Variants in ANKRD28 observed in about 807,000 individuals in gnomAD.
ANKRD28 encodes ankyrin repeat domain 28.
A neutral mutation model predicts 126.5 loss-of-function variants in ANKRD28; 44 were observed. The ratio of observed to expected loss-of-function variants is 0.35; its 90% CI spans 0.27 to 0.45. ANKRD28 has a LOEUF of 0.45. Ranked by LOEUF, ANKRD28 falls within the 20% of genes least tolerant of loss-of-function variation. The pLI, the probability that ANKRD28 is intolerant of heterozygous loss-of-function variation, is 1.00. For missense variants in ANKRD28, 1,110 were observed against 1,316.6 expected, an observed-to-expected ratio of 0.84 and a Z score of 2.43; for synonymous variants, 442 against 468.5, an observed-to-expected ratio of 0.94 and a Z score of 0.73.
intron 2 of ANKRD28, among the ~76,000 whole-genome samples, chr3:15,782,909 C>A (rs887602196): frequency 2.0e-5 from 3 of 152,068 alleles, no homozygotes; most frequent in African/African-American, 7.2e-5. Context: ...AAACTGTTAG[C>A]TGGCATAAAG....
chr3:15,771,586 G>A (rs2059011869), intron 2 of ANKRD28, among the ~76,000 whole-genome samples: 1 of 151,984 alleles, frequency 6.6e-6, no homozygotes, highest in East Asian at 1.9e-4. Context: ...CATGAAGTAG[G>A]AGAGCTAGAA....
chr3:15,794,546 C>G (rs2060191768), intron 2 of ANKRD28, among the ~76,000 whole-genome samples: 1 of 151,342 alleles, frequency 6.6e-6, no homozygotes, highest in South Asian at 2.1e-4. Flanking sequence ...AATGTACTTT[C>G]AGCCACAACT....
At chr3:15,777,849 TACACACACACACACACAC>T (rs569761948) in intron 2 of ANKRD28, among the ~76,000 whole-genome samples, 222 of 106,184 alleles carry the variant, frequency 2.1e-3, no homozygotes, top group African/African-American at 4.8e-3. Context: ...AAAACCAAAC[TACACACACACACACACAC>T]ACACACACAC....
chr3:15,706,991 T>C (rs980550468), intron 14 of ANKRD28, among the ~76,000 whole-genome samples: 3 of 152,344 alleles, frequency 2.0e-5, no homozygotes, highest in Non-Finnish European at 4.4e-5. Flanking sequence ...AAGTTACTTA[T>C]AAAAATGGTT....
At chr3:15,727,587 A>G (rs13079440) in intron 6 of ANKRD28, among the ~76,000 whole-genome samples, 41,570 of 109,592 alleles carry the variant, frequency 0.38, 9,271 homozygotes, top group Non-Finnish European at 0.5. Context: ...AAAAAAAAAA[A>G]AAAGAAAGAA....
intron 1 of ANKRD28, among the ~76,000 whole-genome samples, chr3:15,832,157 T>C (rs2061216879): frequency 6.6e-6 from 1 of 152,148 alleles, no homozygotes; most frequent in South Asian, 2.1e-4. Context: ...CATAAACATA[T>C]AGACAAATAA....
At chr3:15,855,428 A>G (rs1243082556) in intron 1 of ANKRD28, among the ~76,000 whole-genome samples, 3 of 152,244 alleles carry the variant, frequency 2.0e-5, no homozygotes, top group Admixed American at 6.5e-5. Flanking sequence ...TGGCTCCTAC[A>G]CAAAAATGAT....
At position 15,690,160 on chromosome 3, in the gene ANKRD28, C is replaced by G. The variant is rs185208041; in HGVS notation, c.1822G>C (p.Val608Leu). ...GGTGTTCTTCCACTACTATTTCTGA[C>G]ATCAAGATCTAACAAAGACTGTACC... ...VLVQSLLDLD[V>L]RNSSGRTPLD... is the part of the protein sequence containing the mutation. Residue 608 changes from valine to leucine, a missense_variant, in exon 18 of 28, where the codon GTC becomes CTC. Val to Leu is a conservative substitution (Grantham distance 32). Coordinates refer to ENST00000683139, the MANE Select transcript of ANKRD28 (RefSeq NM_001349278.2). The G allele has an allele frequency of 2.8e-4, 454 of 1,609,262 alleles. 3 individuals carry two copies. Among genetic ancestry groups the G allele is most frequent in the Non-Finnish European group, 1.9e-5 (22 of 1,177,600 alleles).
Position 15,812,594 on chromosome 3 carries a change from T to A in ANKRD28, c.28-17288A>T, listed in dbSNP as rs900367419. 1.3e-5 allele frequency among the ~76,000 whole-genome samples: 2 copies of A among 152,188 alleles called. No homozygotes were observed. Among genetic ancestry groups the A allele is most frequent in the Non-Finnish European group, 2.9e-5 (2 of 68,026 alleles). ...TATTAAGTTGGCATTTCGTTGTTGT[T>A]TTTCTGTCTTGCTTACCAATTATCC... On this transcript the variant is annotated intron_variant, in intron 1 of 27. Coordinates refer to the ANKRD28 transcript ENST00000399451. The surrounding 1 kb of genome is among the most constrained non-coding windows in gnomAD (Gnocchi z 4.1).
At position 15,851,922 on chromosome 3, in the gene ANKRD28, C is replaced by A. The variant is rs1575825056; in HGVS notation, c.27+7455G>T. On this transcript the variant is annotated intron_variant, in intron 1 of 27. Transcript: ENST00000399451. ...ATAAAGAAAATATGGTATATCCATACAATGGAATATTATTCACCAATTAAA... is the reference window on the plus strand; with the variant it reads ...ATAAAGAAAATATGGTATATCCATAAAATGGAATATTATTCACCAATTAAA... 2.0e-5 allele frequency among the ~76,000 whole-genome samples: 3 copies of A among 152,268 alleles called. No homozygotes were observed. The East Asian group carries it at 5.8e-4, about 29-fold the overall frequency.
chr3:15,803,425 T>C (rs2060504950), intron 1 of ANKRD28, among the ~76,000 whole-genome samples: 1 of 152,018 alleles, frequency 6.6e-6, no homozygotes, highest in Non-Finnish European at 1.5e-5. Context: ...GAGACCAGCC[T>C]GACCAACATG....
At chr3:15,701,315 T>C (rs2455851) in intron 14 of ANKRD28, among the ~76,000 whole-genome samples, 135,016 of 152,244 alleles carry the variant, frequency 0.89, 60,113 homozygotes, top group African/African-American at 0.97. Context: ...GATATTTATG[T>C]ACAGCTAAAA....
intron 18 of ANKRD28, among the ~76,000 whole-genome samples, chr3:15,688,942 T>C (rs1348162628): frequency 6.6e-6 from 1 of 152,262 alleles, no homozygotes; most frequent in Non-Finnish European, 1.5e-5. Flanking sequence ...TGAAAGATTA[T>C]ACCAATCCAA....
At chr3:15,724,304 C>T (rs2074001969) in intron 7 of ANKRD28, 78 bp downstream of exon 7, 2 of 1,249,184 alleles carry the variant, frequency 1.6e-6, no homozygotes, top group African/African-American at 1.5e-5. Flanking sequence ...TTTCTTAAAC[C>T]TGAAATAACT....
At chr3:15,671,303 C>G (rs906195611) in intron 27 of ANKRD28, among the ~76,000 whole-genome samples, 4 of 152,118 alleles carry the variant, frequency 2.6e-5, no homozygotes, top group African/African-American at 9.7e-5. Context: ...TCAGTTGGTA[C>G]AAGACTCAGT....
At chr3:15,769,547 G>T (rs2058901020) in intron 2 of ANKRD28, among the ~76,000 whole-genome samples, 1 of 152,022 alleles carries the variant, frequency 6.6e-6, no homozygotes, top group South Asian at 2.1e-4. Context: ...CCCACTAAAT[G>T]GTTACCTAAA....
chr3:15,765,563 C>T (rs1400264415), intron 3 of ANKRD28, among the ~76,000 whole-genome samples: 1 of 152,072 alleles, frequency 6.6e-6, no homozygotes, highest in Non-Finnish European at 1.5e-5. Context: ...CCTATGTAGG[C>T]GGGCATGGTG....
intron 4 of ANKRD28, among the ~76,000 whole-genome samples, chr3:15,746,379 T>C (rs116080867): frequency 6.6e-6 from 1 of 152,216 alleles, no homozygotes; most frequent in African/African-American, 2.4e-5. Context: ...TTAAGATATG[T>C]CCCTTCTATG....
intron 21 of ANKRD28, among the ~76,000 whole-genome samples, chr3:15,683,365 A>C (rs917541362): frequency 2.8e-4 from 43 of 152,284 alleles, no homozygotes; most frequent in African/African-American, 1.0e-3. Flanking sequence ...ATCAAACATC[A>C]ATGGCAAAAT....
Sources: allele counts gnomAD v4.1 joint callset (sites outside exome capture counted in the v4.1 genomes callset), GRCh38; gene constraint gnomAD v4.1.1; non-coding constraint Gnocchi (gnomAD v3.1); transcripts MANE v1.5; gene names NCBI Gene and HGNC (gene_info 2026-07-23, HGNC 2026-07-21).